LMNB1: variants seen among roughly 807,000 people sequenced by gnomAD.
The protein encoded by LMNB1 is lamin B1, also known as lamin-B1.
A neutral mutation model predicts 67.1 loss-of-function variants in LMNB1; 23 were observed. The observed-to-expected ratio is 0.34, with a 90% CI of 0.25 to 0.49. The LOEUF is 0.49. LMNB1 is among the 20% of genes least tolerant of loss of function. The pLI is 0.99. For synonymous variants in LMNB1, 281 were observed against 282.9 expected (o/e 0.99, Z 0.07); for missense variants, 634 against 746.5 (o/e 0.85, Z 1.76).
intron 1 of LMNB1, among the ~76,000 whole-genome samples, chr5:126,784,908 C>T (rs544837503): frequency 5.8e-4 from 88 of 151,968 alleles, no homozygotes; most frequent in South Asian, 1.5e-3. Context: ...GTGATCCGCC[C>T]GCCTCAGCCT....
chr5:126,783,613 G>A (rs1750687431), intron 1 of LMNB1, among the ~76,000 whole-genome samples: 1 of 152,140 alleles, frequency 6.6e-6, no homozygotes, highest in South Asian at 2.1e-4. Flanking sequence ...ATCTTTTGGA[G>A]TTGTTTATTT....
At chr5:126,800,951 CTATATA>C (rs57113826) in intron 1 of LMNB1, among the ~76,000 whole-genome samples, 36 of 47,304 alleles carry the variant, frequency 7.6e-4, no homozygotes, top group African/African-American at 1.8e-3. Flanking sequence ...TGCAGCCAGA[CTATATA>C]TATATATATA....
intron 3 of LMNB1, 39 bp downstream of exon 3, chr5:126,805,735 G>T (rs1033455855): frequency 2.1e-6 from 3 of 1,455,380 alleles, no homozygotes; most frequent in Non-Finnish European, 2.8e-6. Flanking sequence ...GGAATGGAGG[G>T]GTTCTAGAAT....
chr5:126,787,546 A>ATATTTTTT, intron 1 of LMNB1, among the ~76,000 whole-genome samples: 3 of 65,566 alleles, frequency 4.6e-5, no homozygotes. Flanking sequence ...ATATATATAT[A>ATATTTTTT]TTTTTTTTTT....
At position 126,804,763 on chromosome 5, in the gene LMNB1, A is replaced by G; in HGVS notation, c.360-13A>G. On this transcript the variant is annotated splice_polypyrimidine_tract_variant and intron_variant, in intron 1 of 10. Transcript: ENST00000261366. ...TATGGTTTGATGTCTTATGCTTTTT[A>G]AATCTGTTCCAGCTATGCTAAGAAG... 1.2e-6 allele frequency: 2 copies of G among 1,612,068 alleles called. No homozygotes were observed. The highest frequency in any genetic ancestry group is 3.4e-5 in the Admixed American group (2 of 59,660).
At chr5:126,786,688 A>G (rs1750793804) in intron 1 of LMNB1, among the ~76,000 whole-genome samples, 2 of 152,160 alleles carry the variant, frequency 1.3e-5, no homozygotes, top group Non-Finnish European at 2.9e-5. Context: ...AGTCTCAGAT[A>G]GGATAGTTGA....
intron 3 of LMNB1, among the ~76,000 whole-genome samples, chr5:126,807,875 T>TG (rs60818126): frequency 0.055 from 8,402 of 151,798 alleles, 263 homozygotes; most frequent in Middle Eastern, 0.095. Context: ...TTTTTGTTTT[T>TG]TTTAACTCTT....
rs772087491 is a variant in LMNB1, at chr5:126,822,781, G to T, written c.1387G>T (p.Asp463Tyr). The part of the protein sequence containing the change: ...FIRLKNTSEQ[D>Y]QPMGGWEMIR... ...CCCTCACCCTCCTTTCTGTGTGTAG[G>T]ATCAACCAATGGGAGGCTGGGAGAT... The change falls in exon 8 of 11, where the codon GAT (aspartate) becomes TAT (tyrosine). Residue 463 changes from aspartate (D) to tyrosine (Y), a missense_variant and splice_region_variant. Physicochemically the swap from Asp to Tyr is radical, Grantham distance 160. Transcript: ENST00000261366. 105 of 1,594,112 alleles carry T rather than the reference G, an allele frequency of 6.6e-5. No individual in the cohort carries two copies. Among genetic ancestry groups the T allele is most frequent in the Non-Finnish European group, 9.0e-5 (105 of 1,162,270 alleles).
chr5:126,832,040 T>A (rs1386066517), intron 9 of LMNB1, among the ~76,000 whole-genome samples: 1 of 151,832 alleles, frequency 6.6e-6, no homozygotes, highest in Non-Finnish European at 1.5e-5. Flanking sequence ...CTGAGGTGGG[T>A]GGATCACTTG....
intron 1 of LMNB1, among the ~76,000 whole-genome samples, chr5:126,778,677 T>C (rs758645207): frequency 1.3e-5 from 2 of 152,080 alleles, no homozygotes; most frequent in Non-Finnish European, 2.9e-5. Flanking sequence ...GTTCTTAGAA[T>C]TGCGGTTCTC....
intron 1 of LMNB1, among the ~76,000 whole-genome samples, chr5:126,797,726 T>C (rs1751139069): frequency 6.6e-6 from 1 of 152,208 alleles, no homozygotes; most frequent in Admixed American, 6.5e-5. Context: ...ATGTTCAGAA[T>C]ATTAACTCAC....
chr5:126,836,243 T>C lies in LMNB1; in HGVS notation c.1740T>C (p.Asn580=), dbSNP rs375941890. ...FHQQGTPRAS[N]RSCAIM The stretch of plus-strand genomic sequence containing the variant: ...ATCAGGGAACCCCAAGAGCATCCAA[T>C]AGAAGCTGTGCAATTATGTAAAATT... Residue 580 remains asparagine, a synonymous_variant, in exon 11 of 11, where the codon AAT becomes AAC. Coordinates refer to ENST00000261366, the MANE Select transcript of LMNB1 (RefSeq NM_005573.4). 17 of 1,610,224 alleles carry C rather than the reference T, an allele frequency of 1.1e-5. No individual in the cohort carries two copies. The highest frequency in any genetic ancestry group is 3.3e-5 in the Admixed American group (2 of 59,940).
chr5:126,783,885 A>G (rs1331687130), intron 1 of LMNB1, among the ~76,000 whole-genome samples: 1 of 152,034 alleles, frequency 6.6e-6, no homozygotes, highest in African/African-American at 2.4e-5. Flanking sequence ...AGCCTCAGGT[A>G]TCAGTTGAGT....
intron 1 of LMNB1, among the ~76,000 whole-genome samples, chr5:126,780,028 C>T (rs977628038): frequency 1.3e-5 from 2 of 149,002 alleles, no homozygotes; most frequent in Non-Finnish European, 3.0e-5. Flanking sequence ...GAGACCCCAT[C>T]TCAAAAAAGA....
At chr5:126,805,445 G>GT in intron 2 of LMNB1, 126 bp from the exon 3 acceptor site, 2 of 653,558 alleles carry the variant, frequency 3.1e-6, no homozygotes. Flanking sequence ...TTAAGATGAA[G>GT]TAATTATACA....
Position 126,777,743 on chromosome 5 carries a change from A to G in LMNB1, c.235A>G (p.Lys79Glu). ...EVRGRELTGL[K>E]ALYETELADA... is the part of the protein sequence containing the mutation. ...GCGCGGCCGTGAGCTCACCGGCCTC[A>G]AGGCGCTCTACGAGACCGAGCTGGC... The change falls in exon 1 of 11, where the codon AAG becomes GAG. Residue 79 changes from lysine to glutamate, a missense_variant. Lys to Glu is a moderately conservative substitution (Grantham distance 56). Coordinates refer to ENST00000261366, the MANE Select transcript of LMNB1 (RefSeq NM_005573.4). The G allele has an allele frequency of 6.5e-7, 1 of 1,538,012 alleles. No homozygotes were observed.
In LMNB1 at chr5:126,811,800, A is replaced by T; in HGVS notation, c.841A>T (p.Met281Leu). The T allele has an allele frequency of 6.2e-7, 1 of 1,609,764 alleles. No individual in the cohort carries two copies. Among genetic ancestry groups the T allele is most frequent in the South Asian group, 1.1e-5 (1 of 90,906 alleles). Reference protein sequence around the residue: ...KLENARLSSEMNTSTVNSARE... With the variant: ...KLENARLSSELNTSTVNSARE... ...TGAGAATGCCAGACTGTCATCAGAG[A>T]TGAATACTTCTACTGTCAACAGTGC... The change falls in exon 5 of 11, where the codon ATG (methionine) becomes TTG (leucine). Residue 281 changes from methionine to leucine, a missense_variant. Physicochemically the swap from Met to Leu is conservative, Grantham distance 15. Transcript: ENST00000261366.
In LMNB1 at chr5:126,836,330, C is replaced by G; in HGVS notation, c.*66C>G. The G allele has an allele frequency of 2.0e-6, 2 of 995,326 alleles. No homozygotes were observed. The highest frequency in any genetic ancestry group is 1.5e-6 in the Non-Finnish European group (1 of 659,240). The allele number at this position is 995,326 out of a possible 1,614,324, so 61.7% of individuals were successfully genotyped here. A position where few individuals can be genotyped will look rare whatever the true frequency, so the allele number is the denominator to read the frequency against. On this transcript the variant is annotated 3_prime_UTR_variant, in exon 11 of 11. Coordinates refer to ENST00000261366, the MANE Select transcript of LMNB1 (RefSeq NM_005573.4). ...TCTTTACCTGTATACAGTGCAGAGCCTTCTCAGAAGCACAGAATATTTTTA... is the reference window on the plus strand; with the variant it reads ...TCTTTACCTGTATACAGTGCAGAGCGTTCTCAGAAGCACAGAATATTTTTA...
intron 10 of LMNB1, 59 bp from the exon 11 acceptor site, chr5:126,836,164 T>G (rs926584818): frequency 1.5e-6 from 2 of 1,349,676 alleles, no homozygotes; most frequent in Middle Eastern, 3.6e-4. Flanking sequence ...TTTGTCTTAT[T>G]TTAGAATACT....
Sources: gnomAD v4.1 joint callset for allele counts (sites outside exome capture counted in the v4.1 genomes callset) on GRCh38, gnomAD v4.1.1 for gene constraint, MANE v1.5 for transcripts, NCBI Gene and HGNC (gene_info 2026-07-23, HGNC 2026-07-21) for gene names.